The following SNX7 variants were observed in gnomAD, a reference collection of about 807,000 sequenced individuals.
SNX7 encodes the protein sorting nexin-7.
SNX7 carries 35 observed loss-of-function variants against 48.4 expected under a neutral mutation model. The ratio of observed to expected loss-of-function variants is 0.72; its 90% CI spans 0.55 to 0.96. The LOEUF is 0.96. SNX7 is among the 40% of genes least tolerant of loss of function. The pLI is 0.00. For synonymous variants in SNX7, 190 were observed against 190.2 expected (o/e 1.00, Z 0.01); for missense variants, 553 against 548.9 (o/e 1.01, Z -0.07).
At chr1:98,690,918 C>CAA (rs1034226798) in intron 2 of SNX7, among the ~76,000 whole-genome samples, 157 bp from the exon 3 acceptor site, 1 of 151,436 alleles carries the variant, frequency 6.6e-6, no homozygotes, top group African/African-American at 2.4e-5. Flanking sequence ...GAATAGATGA[C>CAA]AAAAAAGAAA....
chr1:98,661,730 G>C lies in SNX7; in HGVS notation c.-2G>C. The C allele has an allele frequency of 8.2e-7, 1 of 1,225,172 alleles. No individual in the cohort carries two copies. Among genetic ancestry groups the C allele is most frequent in the Non-Finnish European group, 1.0e-6 (1 of 979,962 alleles). The allele number at this position is 1,225,172 out of a possible 1,614,324, so 75.9% of individuals were successfully genotyped here. On this transcript the variant is annotated 5_prime_UTR_variant, in exon 1 of 9. Coordinates refer to ENST00000306121, the MANE Select transcript of SNX7 (RefSeq NM_015976.5). ...GCGGCCGGCTGGGCGCGCACTCTCG[G>C]GATGGAGGGCGAGCGCCGGGCATCG...
chr1:98,735,868 A>G (rs1047281771), intron 7 of SNX7, among the ~76,000 whole-genome samples: 3 of 152,184 alleles, frequency 2.0e-5, no homozygotes, highest in Non-Finnish European at 4.4e-5. Context: ...AGGCTAACCT[A>G]CTGTCAGTCC....
At chr1:98,685,779 G>T (rs1650761937) in intron 2 of SNX7, among the ~76,000 whole-genome samples, 1 of 152,008 alleles carries the variant, frequency 6.6e-6, no homozygotes, top group Non-Finnish European at 1.5e-5. Flanking sequence ...TCTGAACTAT[G>T]TTTCTATAAT....
chr1:98,736,753 A>ACAGAAG (rs1374891827), intron 7 of SNX7, among the ~76,000 whole-genome samples: 1 of 152,162 alleles, frequency 6.6e-6, no homozygotes, highest in Non-Finnish European at 1.5e-5. Context: ...TGAAATAAGA[A>ACAGAAG]CAGAAGTGAA....
At chr1:98,745,725 G>A (rs1176539636) in intron 8 of SNX7, among the ~76,000 whole-genome samples, 2 of 152,010 alleles carry the variant, frequency 1.3e-5, no homozygotes, top group South Asian at 2.1e-4. Flanking sequence ...TTATCTTACC[G>A]TCTTATTCAT....
chr1:98,710,239 A>G (rs981493899), intron 7 of SNX7, among the ~76,000 whole-genome samples: 1 of 152,314 alleles, frequency 6.6e-6, no homozygotes, highest in East Asian at 1.9e-4. Context: ...AAGTAACTGC[A>G]TATTAAGGTT....
In SNX7 at chr1:98,745,983, G is replaced by A. The variant is rs114899663; in HGVS notation, c.1278+7594G>A. ...TTTTAACCAAATATGTCACTTTTTT[G>A]TTGAGCAATCAGTTCTTTTTTCAAA... On this transcript the variant is annotated intron_variant, in intron 8 of 8. Coordinates refer to ENST00000306121, the MANE Select transcript of SNX7 (RefSeq NM_015976.5). Among the ~76,000 whole-genome samples, 132 of 151,938 alleles carry A rather than the reference G, an allele frequency of 8.7e-4. 1 individual carries two copies. The highest frequency in any genetic ancestry group is 6.8e-3 in the Middle Eastern group (2 of 294).
At chr1:98,699,938 T>C (rs1202559459) in intron 6 of SNX7, among the ~76,000 whole-genome samples, 3 of 152,188 alleles carry the variant, frequency 2.0e-5, no homozygotes, top group Admixed American at 6.5e-5. Context: ...CCTCTCTCTA[T>C]CCATTTCCTT....
intron 5 of SNX7, among the ~76,000 whole-genome samples, chr1:98,696,453 G>A (rs1239640722): frequency 6.6e-6 from 1 of 151,836 alleles, no homozygotes; most frequent in African/African-American, 2.4e-5. Flanking sequence ...TATCCGGGCA[G>A]TGTTTAAACA....
chr1:98,683,511 C>T (rs1481447269), intron 1 of SNX7, among the ~76,000 whole-genome samples: 4 of 151,986 alleles, frequency 2.6e-5, no homozygotes, highest in Non-Finnish European at 5.9e-5. Flanking sequence ...AGATCATGAG[C>T]GTGGAGCTCT....
At chr1:98,717,602 A>C (rs35434466) in intron 7 of SNX7, among the ~76,000 whole-genome samples, 39,977 of 152,018 alleles carry the variant, frequency 0.26, 5,586 homozygotes, top group South Asian at 0.31. Context: ...CACGTGATAA[A>C]TTCTCTTTGC....
At chr1:98,738,988 A>G (rs1653934635) in intron 8 of SNX7, among the ~76,000 whole-genome samples, 1 of 152,164 alleles carries the variant, frequency 6.6e-6, no homozygotes. Flanking sequence ...AAATTATTAC[A>G]TTAACAAAAT....
At chr1:98,731,317 T>C (rs1361402222) in intron 7 of SNX7, among the ~76,000 whole-genome samples, 1 of 152,084 alleles carries the variant, frequency 6.6e-6, no homozygotes, top group Non-Finnish European at 1.5e-5. Flanking sequence ...ACATCTACCA[T>C]GTGACTGGCC....
At chr1:98,695,779 G>A (rs749440641) in intron 5 of SNX7, 63 bp downstream of exon 5, 1 of 1,203,520 alleles carries the variant, frequency 8.3e-7, no homozygotes, top group African/African-American at 1.5e-5. Flanking sequence ...CTTCACATTT[G>A]TTGGTGTAAT....
intron 7 of SNX7, among the ~76,000 whole-genome samples, chr1:98,728,760 AT>A (rs1174861413): frequency 6.6e-6 from 1 of 152,194 alleles, no homozygotes; most frequent in Admixed American, 6.5e-5. Flanking sequence ...CTAGATACAT[AT>A]GCACCAAATA....
intron 7 of SNX7, among the ~76,000 whole-genome samples, chr1:98,731,541 A>C (rs1321650065): frequency 6.6e-6 from 1 of 152,098 alleles, no homozygotes; most frequent in African/African-American, 2.4e-5. Flanking sequence ...TATGTTATTA[A>C]ATGATTGGGA....
At chr1:98,675,509 A>G (rs1438341160) in intron 1 of SNX7, among the ~76,000 whole-genome samples, 2 of 152,162 alleles carry the variant, frequency 1.3e-5, no homozygotes, top group African/African-American at 2.4e-5. Context: ...AAATTCATGC[A>G]GATTTTTCCC....
At chr1:98,716,070 T>C (rs897108266) in intron 7 of SNX7, among the ~76,000 whole-genome samples, 1 of 152,200 alleles carries the variant, frequency 6.6e-6, no homozygotes, top group Non-Finnish European at 1.5e-5. Context: ...GTTCCCTTTC[T>C]GACAGCGAGA....
At chr1:98,682,989 T>C (rs1382658916) in intron 1 of SNX7, among the ~76,000 whole-genome samples, 1 of 152,216 alleles carries the variant, frequency 6.6e-6, no homozygotes, top group African/African-American at 2.4e-5. Flanking sequence ...TGCATTTTTA[T>C]ATTGCTATCA....
Sources: gnomAD v4.1 joint callset for allele counts (sites outside exome capture counted in the v4.1 genomes callset) on GRCh38, gnomAD v4.1.1 for gene constraint, MANE v1.5 for transcripts, NCBI Gene and HGNC (gene_info 2026-07-23, HGNC 2026-07-21) for gene names.